The following PCDH15 variants were observed in gnomAD, a reference collection of about 807,000 sequenced individuals.
The protein encoded by PCDH15 is protocadherin related 15, also known as protocadherin-15.
Under a neutral mutation model 178.5 loss-of-function variants are expected in PCDH15, and 129 were observed. That is an observed-to-expected ratio of 0.72 (90% CI 0.63 to 0.84). PCDH15 has a LOEUF of 0.84. Ranked by LOEUF, PCDH15 falls within the 40% of genes least tolerant of loss-of-function variation. PCDH15 has a pLI of 0.00. For missense variants in PCDH15, 2,230 were observed against 2,099.9 expected (o/e 1.06, Z -1.21); for synonymous variants, 800 against 732.0 (o/e 1.09, Z -1.50).
intron 1 of PCDH15, among the ~76,000 whole-genome samples, chr10:55,184,721 A>G (rs1839748814): frequency 1.3e-5 from 2 of 151,980 alleles, no homozygotes; most frequent in South Asian, 4.1e-4. Flanking sequence ...TTTGGGAAGC[A>G]TGATATTTTA....
At chr10:53,934,676 T>C (rs2085404886) in intron 25 of PCDH15, among the ~76,000 whole-genome samples, 1 of 152,158 alleles carries the variant, frequency 6.6e-6, no homozygotes, top group Non-Finnish European at 1.5e-5. Flanking sequence ...CATCAAACTG[T>C]GCAAATGCTA....
intron 6 of PCDH15, among the ~76,000 whole-genome samples, chr10:54,337,660 C>G (rs1342290): frequency 0.11 from 17,021 of 152,128 alleles, 1,023 homozygotes; most frequent in Middle Eastern, 0.2. Flanking sequence ...TACACTGGCC[C>G]TTTAGCACTA....
At chr10:53,876,867 G>A (rs986588343) in intron 26 of PCDH15, among the ~76,000 whole-genome samples, 2 of 152,014 alleles carry the variant, frequency 1.3e-5, no homozygotes, top group African/African-American at 2.4e-5. Context: ...ATGGAAACAC[G>A]CCAGTGCAAC....
intron 1 of PCDH15, among the ~76,000 whole-genome samples, chr10:54,789,680 C>T (rs1309726078): frequency 1.3e-5 from 2 of 151,810 alleles, no homozygotes; most frequent in South Asian, 2.1e-4. Flanking sequence ...TCAATCATCC[C>T]ACAATCACCT....
At chr10:55,550,334 G>T (rs1017848185) in intron 2 of PCDH15, among the ~76,000 whole-genome samples, 2 of 152,042 alleles carry the variant, frequency 1.3e-5, no homozygotes, top group African/African-American at 4.8e-5. Flanking sequence ...TAAAAAGCTA[G>T]GATTCTTTTC....
intron 2 of PCDH15, among the ~76,000 whole-genome samples, chr10:55,484,891 G>C (rs193135950): frequency 1.3e-5 from 2 of 151,662 alleles, no homozygotes; most frequent in East Asian, 3.9e-4. Flanking sequence ...AATTCGAAAT[G>C]AATAAGAGTT....
intron 9 of PCDH15, among the ~76,000 whole-genome samples, chr10:54,219,560 T>C (rs1255125781): frequency 8.4e-6 from 1 of 119,268 alleles, no homozygotes; most frequent in Non-Finnish European, 1.6e-5. Flanking sequence ...GCCACTGCAC[T>C]CCAGCTTGGG....
intron 25 of PCDH15, among the ~76,000 whole-genome samples, chr10:53,925,277 A>T (rs2084419967): frequency 1.3e-5 from 2 of 152,096 alleles, no homozygotes; most frequent in African/African-American, 2.4e-5. Context: ...GGGTAGAATG[A>T]ACAACTCCTG....
chr10:55,235,010 T>C (rs12220601), intron 1 of PCDH15, among the ~76,000 whole-genome samples: 24,171 of 151,984 alleles, frequency 0.16, 2,017 homozygotes, highest in Non-Finnish European at 0.19. Flanking sequence ...CCCTGCCATG[T>C]ACAGCCACAA....
Position 55,413,893 on chromosome 10 carries a change from G to C in PCDH15, c.-156+213732C>G, listed in dbSNP as rs187112921. Among the ~76,000 whole-genome samples, 293 of 151,520 alleles carry C rather than the reference G, an allele frequency of 1.9e-3. 1 individual carries two copies. The highest frequency in any genetic ancestry group is 3.0e-3 in the Non-Finnish European group (205 of 67,602). On this transcript the variant is annotated intron_variant, in intron 2 of 5. Coordinates refer to the PCDH15 transcript ENST00000613346. ...AAGTTTCTATCCCACTTTGAAGTTAGCTCATTAGCTCATATATATATGCAG... is the reference window on the plus strand; with the variant it reads ...AAGTTTCTATCCCACTTTGAAGTTACCTCATTAGCTCATATATATATGCAG...
chr10:55,130,913 T>C (rs1351036124), intron 2 of PCDH15, among the ~76,000 whole-genome samples: 2 of 152,058 alleles, frequency 1.3e-5, no homozygotes, highest in Admixed American at 6.6e-5. Context: ...TACTTCTAAG[T>C]AAATATTTTA....
At chr10:54,675,232 A>G (rs1432054934) in intron 1 of PCDH15, among the ~76,000 whole-genome samples, 1 of 151,996 alleles carries the variant, frequency 6.6e-6, no homozygotes, top group African/African-American at 2.4e-5. Flanking sequence ...CAGACATTAA[A>G]TTTTATGGGC....
intron 3 of PCDH15, among the ~76,000 whole-genome samples, chr10:54,816,449 A>G (rs1952951250): frequency 6.6e-6 from 1 of 152,096 alleles, no homozygotes; most frequent in Admixed American, 6.6e-5. Context: ...CGACTATTTC[A>G]TAGCACAAGA....
chr10:55,164,891 C>T (rs1313863071), intron 2 of PCDH15, among the ~76,000 whole-genome samples: 1 of 151,978 alleles, frequency 6.6e-6, no homozygotes, highest in African/African-American at 2.4e-5. Flanking sequence ...CAAGGAATTT[C>T]TTACACAGAA....
intron 2 of PCDH15, among the ~76,000 whole-genome samples, chr10:54,600,982 C>G (rs980779570): frequency 6.6e-6 from 1 of 151,902 alleles, no homozygotes; most frequent in African/African-American, 2.4e-5. Flanking sequence ...GAGCCAAAAA[C>G]AATAAATGAA....
intron 2 of PCDH15, among the ~76,000 whole-genome samples, chr10:54,899,473 C>T (rs1007130933): frequency 6.7e-6 from 1 of 149,612 alleles, no homozygotes; most frequent in African/African-American, 2.5e-5. Flanking sequence ...CTCCCCTCCC[C>T]TCCCCTCCCC....
intron 26 of PCDH15, among the ~76,000 whole-genome samples, chr10:53,890,907 A>G (rs2133478186): frequency 6.6e-6 from 1 of 152,326 alleles, no homozygotes; most frequent in Non-Finnish European, 1.5e-5. Flanking sequence ...AGGTAAATTA[A>G]TTGAAACTAA....
intron 2 of PCDH15, among the ~76,000 whole-genome samples, chr10:55,362,353 G>T (rs1285034170): frequency 1.1e-4 from 16 of 152,030 alleles, no homozygotes. Context: ...TAGATTCTTG[G>T]AATACAGTGC....
intron 2 of PCDH15, among the ~76,000 whole-genome samples, chr10:55,423,935 T>A (rs563500977): frequency 3.2e-4 from 48 of 152,168 alleles, no homozygotes; most frequent in Non-Finnish European, 6.0e-4. Flanking sequence ...TACACTTTGT[T>A]TTCAGTTTTA....
Sources: allele counts gnomAD v4.1 joint callset (sites outside exome capture counted in the v4.1 genomes callset), GRCh38; gene constraint gnomAD v4.1.1; transcripts MANE v1.5; gene names NCBI Gene and HGNC (gene_info 2026-07-23, HGNC 2026-07-21).